The following TUBA3C variants were observed in gnomAD, a reference collection of about 807,000 sequenced individuals.
The protein encoded by TUBA3C is tubulin alpha-3C chain.
A neutral mutation model predicts 33.4 loss-of-function variants in TUBA3C; 23 were observed. The observed-to-expected ratio is 0.69, with a 90% CI of 0.50 to 0.98. The LOEUF is 0.98. Ranked by LOEUF, TUBA3C falls within the 50% of genes least tolerant of loss-of-function variation. The pLI is 0.00. For missense variants in TUBA3C, 402 were observed against 616.0 expected, an observed-to-expected ratio of 0.65 and a Z score of 3.68; for synonymous variants, 269 against 250.4, an observed-to-expected ratio of 1.07 and a Z score of -0.70.
At chr13:19,178,512 G>T in intron 2 of TUBA3C, 118 bp from the exon 3 acceptor site, 2 of 1,364,330 alleles carry the variant, frequency 1.5e-6, no homozygotes, top group South Asian at 1.6e-5. Flanking sequence ...TGACCTACAT[G>T]TTGTAGGTCA....
At chr13:19,174,244 C>G in intron 4 of TUBA3C, 85 bp from the exon 5 acceptor site, 1 of 1,499,806 alleles carries the variant, frequency 6.7e-7, no homozygotes, top group East Asian at 2.4e-5. Flanking sequence ...AGAAGACACC[C>G]TGTAGGTGAA....
intron 4 of TUBA3C, 54 bp from the exon 5 acceptor site, chr13:19,174,213 G>T (rs1869106088): frequency 1.3e-6 from 2 of 1,547,036 alleles, no homozygotes; most frequent in African/African-American, 2.7e-5. Flanking sequence ...ACCTGGAAAT[G>T]GTGGCTGCTT....
At chr13:19,179,774 T>G (rs1026843886) in intron 1 of TUBA3C, among the ~76,000 whole-genome samples, 7 of 152,122 alleles carry the variant, frequency 4.6e-5, no homozygotes, top group African/African-American at 1.7e-4. Context: ...GTTCCAGAGG[T>G]AGCCCTAGAA....
chr13:19,174,009 C>T lies in TUBA3C; in HGVS notation c.1207G>A (p.Ala403Thr). 2 of 1,612,990 alleles carry T rather than the reference C, an allele frequency of 1.2e-6. No individual in the cohort carries two copies. Among genetic ancestry groups the T allele is most frequent in the African/African-American group, 2.7e-5 (2 of 75,024 alleles). ...HKFDLMYAKRAFVHWYVGEGM... is the reference protein window; with the variant it reads ...HKFDLMYAKRTFVHWYVGEGM... Reference sequence around the variant, plus strand: ...TCTCCCACGTACCAGTGCACAAAGGCCCGCTTGGCATACATGAGATCGAAC... The same window carrying T: ...TCTCCCACGTACCAGTGCACAAAGGTCCGCTTGGCATACATGAGATCGAAC... Residue 403 changes from alanine to threonine, a missense_variant, in exon 5 of 5, where the codon GCC (alanine) becomes ACC (threonine). Coordinates refer to ENST00000400113, the MANE Select transcript of TUBA3C (RefSeq NM_006001.3).
Position 19,177,732 on chromosome 13 carries a change from G to A in TUBA3C, c.376-125C>T, listed in dbSNP as rs1347789712. On this transcript the variant is annotated intron_variant, in intron 3 of 4. Transcript: ENST00000400113. The surrounding 1 kb of genome is among the most constrained non-coding windows in gnomAD (Gnocchi z 5.0). ...GATTCCAATCATCCATAATAAACAC[G>A]CAGTACACTCTGAAGCAAAGAAAAG... The A allele has an allele frequency of 1.6e-5, 20 of 1,244,660 alleles. No homozygotes were observed. In the South Asian group the frequency reaches 1.9e-4, roughly 12 times the overall value. 77.1% of individuals were successfully genotyped at this position (1,244,660 alleles called of 1,614,324 possible). A position where few individuals can be genotyped will look rare whatever the true frequency, so the allele number is the denominator to read the frequency against.
chr13:19,174,689 AG>A lies in TUBA3C; in HGVS notation c.1057-531del, dbSNP rs749151885. Among the ~76,000 whole-genome samples, 21 of 151,846 alleles carry A rather than the reference AG, an allele frequency of 1.4e-4. 1 individual carries two copies. In the East Asian group the frequency reaches 2.4e-3, roughly 18 times the overall value. ...AGTTGTTTGTGATGAAAACAGCAAC[AG>A]GTGCAGTGGCTCACACCCATTATCC... On this transcript the variant is annotated intron_variant, in intron 4 of 4. Transcript: ENST00000400113.
In TUBA3C at chr13:19,178,386, G is replaced by T. The variant is rs766579930; in HGVS notation, c.235C>A (p.Arg79Ser). ...AAGAGCTGCCTATAGGTTCCTGTGC[G>T]CACTTCATCTACAAAAGAGACCGTA... ...DLEPTVVDEV[R>S]TGTYRQLFHP... The change falls in exon 3 of 5, where the codon CGC (arginine) becomes AGC (serine). Residue 79 changes from arginine (R) to serine (S), a missense_variant. Transcript: ENST00000400113. 2 of 1,613,716 alleles carry T rather than the reference G, an allele frequency of 1.2e-6. No homozygotes were observed. Among genetic ancestry groups the T allele is most frequent in the Non-Finnish European group, 1.7e-6 (2 of 1,179,864 alleles).
chr13:19,176,753 A>AAAAAAAAAAAAAAAAC (rs1869195564), intron 4 of TUBA3C, among the ~76,000 whole-genome samples, 174 bp downstream of exon 4: 1 of 142,432 alleles, frequency 7.0e-6, no homozygotes, highest in Non-Finnish European at 1.5e-5. Context: ...AAAAAAAAAA[A>AAAAAAAAAAAAAAAAC]AAAAAAGACA....
At chr13:19,179,202 G>C (rs1869307688) in intron 2 of TUBA3C, 139 bp downstream of exon 2, 22 of 1,390,562 alleles carry the variant, frequency 1.6e-5, no homozygotes, top group Non-Finnish European at 2.0e-5. Flanking sequence ...GAACCTTTCA[G>C]TTTCTGTTAA....
chr13:19,175,522 C>A (rs183640631), intron 4 of TUBA3C, among the ~76,000 whole-genome samples: 49 of 152,276 alleles, frequency 3.2e-4, no homozygotes, highest in Non-Finnish European at 5.6e-4. Context: ...TGGGGGAGAC[C>A]ACTGCAGTCA....
chr13:19,174,295 C>T, intron 4 of TUBA3C, 136 bp from the exon 5 acceptor site: 2 of 1,304,564 alleles, frequency 1.5e-6, no homozygotes, highest in South Asian at 3.1e-5. Flanking sequence ...TCACTAAGCC[C>T]TTCTCTGTGC....
chr13:19,179,664 T>A, intron 1 of TUBA3C, 101 bp from the exon 2 acceptor site: 1 of 1,396,538 alleles, frequency 7.2e-7, no homozygotes, highest in Non-Finnish European at 9.5e-7. Context: ...ACTGCTTCAG[T>A]ATCTGGTGCT....
intron 3 of TUBA3C, 77 bp downstream of exon 3, chr13:19,178,169 A>G: frequency 6.3e-7 from 1 of 1,579,594 alleles, no homozygotes; most frequent in Admixed American, 1.7e-5. Flanking sequence ...AGGTTTTGAC[A>G]AAATGACCTC....
chr13:19,177,166 C>A lies in TUBA3C; in HGVS notation c.817G>T (p.Ala273Ser). ...PRIHFPLATY[A>S]PVISAEKAYH... is the part of the protein sequence containing the mutation. The stretch of plus-strand genomic sequence containing the variant: ...GCCTTCTCGGCTGAGATGACCGGGG[C>A]GTAGGTGGCCAGGGGGAAGTGGATG... The change falls in exon 4 of 5, where the codon GCC becomes TCC. Residue 273 changes from alanine to serine, a missense_variant. Coordinates refer to ENST00000400113, the MANE Select transcript of TUBA3C (RefSeq NM_006001.3). The surrounding 1 kb of genome is among the most constrained non-coding windows in gnomAD (Gnocchi z 5.0). 1 of 1,613,938 alleles carries A rather than the reference C, an allele frequency of 6.2e-7. No individual in the cohort carries two copies. Among genetic ancestry groups the A allele is most frequent in the Non-Finnish European group, 8.5e-7 (1 of 1,180,008 alleles).
intron 4 of TUBA3C, among the ~76,000 whole-genome samples, chr13:19,174,432 CA>C (rs1290388424): frequency 1.7e-5 from 2 of 115,900 alleles, no homozygotes; most frequent in Admixed American, 8.9e-5. Flanking sequence ...GCATGCCCAG[CA>C]TTTTTTTTTT....
Position 19,174,597 on chromosome 13 carries a change from C to G in TUBA3C, c.1057-438G>C, listed in dbSNP as rs143519970. Among the ~76,000 whole-genome samples the G allele has an allele frequency of 1.6e-4, 24 of 152,172 alleles. 1 individual carries two copies. The East Asian group carries it at 4.7e-3, about 30-fold the overall frequency. The stretch of plus-strand genomic sequence containing the variant: ...ATATTTTATTTTAACTTGGGCATTA[C>G]TATAAACTGCTTCACAACATCATTC... On this transcript the variant is annotated intron_variant, in intron 4 of 4. Transcript: ENST00000400113.
chr13:19,177,161 C>A lies in TUBA3C; in HGVS notation c.822G>T (p.Pro274=), dbSNP rs140548354. Reference sequence around the variant, plus strand: ...GGTAGGCCTTCTCGGCTGAGATGACCGGGGCGTAGGTGGCCAGGGGGAAGT... The same window carrying A: ...GGTAGGCCTTCTCGGCTGAGATGACAGGGGCGTAGGTGGCCAGGGGGAAGT... The part of the protein sequence containing the change: ...RIHFPLATYA[P]VISAEKAYHE... Residue 274 remains proline, a synonymous_variant, in exon 4 of 5, where the codon CCG becomes CCT. Transcript: ENST00000400113. The surrounding 1 kb of genome is among the most constrained non-coding windows in gnomAD (Gnocchi z 5.0). The A allele has an allele frequency of 3.1e-6, 5 of 1,613,692 alleles. No homozygotes were observed. The African/African-American group carries it at 4.0e-5, about 13-fold the overall frequency.
intron 3 of TUBA3C, 70 bp downstream of exon 3, chr13:19,178,176 C>T: frequency 6.3e-7 from 1 of 1,584,336 alleles, no homozygotes; most frequent in South Asian, 1.2e-5. Flanking sequence ...GACAAAATGA[C>T]CTCCCCTTCA....
intron 4 of TUBA3C, among the ~76,000 whole-genome samples, chr13:19,175,219 T>C (rs1037256233): frequency 2.0e-5 from 3 of 151,910 alleles, no homozygotes; most frequent in East Asian, 3.9e-4. Context: ...GCCACTGCAC[T>C]CCAGCCTGGG....
Sources: allele counts gnomAD v4.1 joint callset (sites outside exome capture counted in the v4.1 genomes callset), GRCh38; gene constraint gnomAD v4.1.1; non-coding constraint Gnocchi (gnomAD v3.1); transcripts MANE v1.5; gene names NCBI Gene and HGNC (gene_info 2026-07-23, HGNC 2026-07-21).